The following PLA2R1 variants were observed in gnomAD, a reference collection of about 807,000 sequenced individuals.
The protein encoded by PLA2R1 is phospholipase A2 receptor 1, also known as secretory phospholipase A2 receptor.
A neutral mutation model predicts 195.9 loss-of-function variants in PLA2R1; 158 were observed. The observed-to-expected ratio is 0.81, with a 90% CI of 0.71 to 0.92. The LOEUF (loss-of-function observed/expected upper bound fraction) is 0.92, where lower values mean the gene tolerates loss of function less well. PLA2R1 is among the 40% of genes least tolerant of loss of function. The probability of loss-of-function intolerance (pLI) is 0.00; values close to 1 mark genes in which losing one functional copy is unlikely to be tolerated. For missense variants in PLA2R1, 1,626 were observed against 1,764.6 expected (o/e 0.92, Z 1.41); for synonymous variants, 586 against 598.2 (o/e 0.98, Z 0.30).
At chr2:160,021,780 G>T (rs916225307) in intron 7 of PLA2R1, among the ~76,000 whole-genome samples, 1 of 152,178 alleles carries the variant, frequency 6.6e-6, no homozygotes, top group African/African-American at 2.4e-5. Context: ...ATTTTTTAAA[G>T]TATTTTTTTC....
intron 21 of PLA2R1, among the ~76,000 whole-genome samples, chr2:159,956,215 G>T (rs896174950): frequency 4.6e-5 from 7 of 152,164 alleles, no homozygotes; most frequent in African/African-American, 1.7e-4. Context: ...ATTACATGTA[G>T]ATCATACTTT....
chr2:160,052,932 A>AAAC lies in PLA2R1; in HGVS notation c.110-7776_110-7775insGTT, dbSNP rs1553469892. On this transcript the variant is annotated intron_variant, in intron 1 of 29. Transcript: ENST00000283243. Reference sequence around the variant, plus strand: ...GTAGAAATGTTAAAAAACAAACAAAAAAACAAACAAACAAACAACTTTTAG... The same window carrying AAAC: ...GTAGAAATGTTAAAAAACAAACAAAAAACAAACAAACAAACAAACAACTTTTAG... Among the ~76,000 whole-genome samples the AAAC allele has an allele frequency of 2.1e-3, 306 of 148,182 alleles. 3 individuals carry two copies. In the East Asian group the frequency reaches 0.022, roughly 11 times the overall value.
intron 13 of PLA2R1, among the ~76,000 whole-genome samples, chr2:159,983,720 A>T (rs941609975): frequency 6.6e-6 from 1 of 152,196 alleles, no homozygotes; most frequent in Non-Finnish European, 1.5e-5. Flanking sequence ...TCAAATATCT[A>T]AACAATTGTC....
rs764382101 is a variant in PLA2R1, at chr2:160,062,451, A to G, written c.-48T>C. 10 of 1,498,626 alleles carry G rather than the reference A, an allele frequency of 6.7e-6. No individual in the cohort carries two copies. Among genetic ancestry groups the G allele is most frequent in the South Asian group, 2.5e-5 (2 of 79,338 alleles). 92.8% of individuals were successfully genotyped at this position (1,498,626 alleles called of 1,614,324 possible). A position where few individuals can be genotyped will look rare whatever the true frequency, so the allele number is the denominator to read the frequency against. On this transcript the variant is annotated 5_prime_UTR_variant, in exon 1 of 30. Transcript: ENST00000283243. ...GAGCCCCTTGTCCCGGGAGCCCCTT[A>G]TCCCGGGAGCCCAGAGCCGCGTCCC...
chr2:159,976,482 G>A (rs1359754297), intron 16 of PLA2R1, among the ~76,000 whole-genome samples: 1 of 152,080 alleles, frequency 6.6e-6, no homozygotes, highest in East Asian at 1.9e-4. Flanking sequence ...CGCATGTCAT[G>A]AAAATGATTG....
intron 3 of PLA2R1, among the ~76,000 whole-genome samples, chr2:160,036,730 T>G (rs1250387205): frequency 6.6e-6 from 1 of 152,192 alleles, no homozygotes. Context: ...CTCAGTACTT[T>G]TCAACTCCTA....
chr2:160,039,110 C>T (rs1467338901), intron 3 of PLA2R1, among the ~76,000 whole-genome samples: 2 of 152,100 alleles, frequency 1.3e-5, no homozygotes, highest in Admixed American at 1.3e-4. Context: ...AAGTGATCTG[C>T]CCGCTTCAGC....
At position 160,028,238 on chromosome 2, in the gene PLA2R1, TG is replaced by T. The variant is rs1409011605; in HGVS notation, c.1078del (p.His360ThrfsTer6). On this transcript the variant is annotated frameshift_variant, in exon 6 of 30. Coordinates refer to ENST00000283243, the MANE Select transcript of PLA2R1 (RefSeq NM_007366.5). LOFTEE classifies it high-confidence loss of function. ...LPYICKKYLN[H>X]IDHEIVEKDA... is the part of the protein sequence containing the mutation. ...CTTACCAACTATTTCATGATCAATG[TG>T]GTTTAGATATTTTTTACATATATAT... The T allele has an allele frequency of 6.3e-7, 1 of 1,596,740 alleles. No individual in the cohort carries two copies.
rs770484447 is a variant in PLA2R1 at position 159,955,324 on chromosome 2, T to G, written c.3176A>C (p.Glu1059Ala). ...ACAGAGAGGAATGTGTTTCTGAACT[T>G]CAGTGGTATTGTGACTTGGAATCTT... ...IINIPSHNTT[E>A]VQKHIPLCAL... The change falls in exon 23 of 30, where the codon GAA becomes GCA. Residue 1059 changes from glutamate to alanine, a missense_variant. Coordinates refer to ENST00000283243, the MANE Select transcript of PLA2R1 (RefSeq NM_007366.5). 1 of 1,600,202 alleles carries G rather than the reference T, an allele frequency of 6.2e-7. No homozygotes were observed. The highest frequency in any genetic ancestry group is 1.7e-5 in the Admixed American group (1 of 59,468).
At chr2:160,049,194 G>C (rs572865670) in intron 1 of PLA2R1, among the ~76,000 whole-genome samples, 2 of 152,082 alleles carry the variant, frequency 1.3e-5, no homozygotes, top group East Asian at 3.9e-4. Flanking sequence ...AAAATCCATG[G>C]AAGACAGTGG....
chr2:159,991,478 T>C (rs1690790924), intron 11 of PLA2R1, among the ~76,000 whole-genome samples: 1 of 151,454 alleles, frequency 6.6e-6, no homozygotes, highest in Admixed American at 6.6e-5. Flanking sequence ...CTTTTATTAT[T>C]ATACTTTAAG....
At chr2:160,027,970 TAA>T (rs1434405109) in intron 6 of PLA2R1, among the ~76,000 whole-genome samples, 1 of 152,228 alleles carries the variant, frequency 6.6e-6, no homozygotes, top group Non-Finnish European at 1.5e-5. Context: ...GCAAATTTTT[TAA>T]AAGAGAAGAA....
intron 1 of PLA2R1, among the ~76,000 whole-genome samples, chr2:160,055,219 C>A (rs1695459395): frequency 1.3e-5 from 2 of 151,964 alleles, no homozygotes; most frequent in South Asian, 2.1e-4. Flanking sequence ...AGGAAAGGAG[C>A]CAGGCAGAGA....
rs769309011 is a variant in PLA2R1, at chr2:159,955,181, A to C, written c.3301+18T>G. Reference sequence around the variant, plus strand: ...GGACTTTGGAAATGAAAGGAATAAAAACCCAAATATTTCTTACCTTGCATT... The same window carrying C: ...GGACTTTGGAAATGAAAGGAATAAACACCCAAATATTTCTTACCTTGCATT... On this transcript the variant is annotated intron_variant, in intron 23 of 29. Coordinates refer to ENST00000283243, the MANE Select transcript of PLA2R1 (RefSeq NM_007366.5). The C allele has an allele frequency of 6.3e-7, 1 of 1,592,810 alleles. No homozygotes were observed. Among genetic ancestry groups the C allele is most frequent in the East Asian group, 2.3e-5 (1 of 43,938 alleles).
At chr2:160,031,478 C>T (rs1693846336) in intron 4 of PLA2R1, among the ~76,000 whole-genome samples, 1 of 152,188 alleles carries the variant, frequency 6.6e-6, no homozygotes, top group African/African-American at 2.4e-5. Context: ...TTAACACACA[C>T]TGAGTGTTTG....
At position 160,014,591 on chromosome 2, in the gene PLA2R1, A is replaced by G. The variant is rs1396445817; in HGVS notation, c.1552-1216T>C. Among the ~76,000 whole-genome samples the G allele has an allele frequency of 2.6e-5, 4 of 152,206 alleles. No individual in the cohort carries two copies. In the East Asian group the frequency reaches 7.7e-4, roughly 29 times the overall value. The stretch of plus-strand genomic sequence containing the variant: ...TTTAAAACACTCTTCATTTTATGCT[A>G]TGCCAATTCTTGCCAGCTTTTGATC... On this transcript the variant is annotated intron_variant, in intron 9 of 29. Coordinates refer to ENST00000283243, the MANE Select transcript of PLA2R1 (RefSeq NM_007366.5).
At chr2:159,984,804 C>T (rs1013912136) in intron 12 of PLA2R1, among the ~76,000 whole-genome samples, 4 of 152,114 alleles carry the variant, frequency 2.6e-5, no homozygotes, top group Non-Finnish European at 5.9e-5. Context: ...TCCTCTTACC[C>T]TTCTTATTTT....
chr2:160,057,575 A>G (rs756547471), intron 1 of PLA2R1, among the ~76,000 whole-genome samples: 3 of 152,110 alleles, frequency 2.0e-5, no homozygotes, highest in Non-Finnish European at 4.4e-5. Flanking sequence ...AGGAAAACAA[A>G]TGTCTTTTTA....
At chr2:160,036,006 G>A (rs929013524) in intron 3 of PLA2R1, among the ~76,000 whole-genome samples, 2 of 151,958 alleles carry the variant, frequency 1.3e-5, no homozygotes, top group East Asian at 3.9e-4. Context: ...TTCCTCCCTG[G>A]CTGCCCCCTT....
Sources: gnomAD v4.1 joint callset for allele counts (sites outside exome capture counted in the v4.1 genomes callset) on GRCh38, gnomAD v4.1.1 for gene constraint, MANE v1.5 for transcripts, NCBI Gene and HGNC (gene_info 2026-07-23, HGNC 2026-07-21) for gene names.